PLD1: variants seen among roughly 807,000 people sequenced by gnomAD.
PLD1 encodes phospholipase D1.
PLD1 carries 112 observed loss-of-function variants against 137.1 expected under a neutral mutation model. The ratio of observed to expected loss-of-function variants is 0.82; its 90% CI spans 0.70 to 0.96. PLD1 has a LOEUF of 0.96. PLD1 is among the 40% of genes least tolerant of loss of function. The probability of loss-of-function intolerance (pLI) is 0.00; values close to 1 mark genes in which losing one functional copy is unlikely to be tolerated. For missense variants in PLD1, 1,321 were observed against 1,342.0 expected, an observed-to-expected ratio of 0.98 and a Z score of 0.24; for synonymous variants, 431 against 454.7, an observed-to-expected ratio of 0.95 and a Z score of 0.66.
At chr3:171,727,797 T>C (rs748999499) in intron 6 of PLD1, among the ~76,000 whole-genome samples, 2 of 152,166 alleles carry the variant, frequency 1.3e-5, no homozygotes, top group African/African-American at 2.4e-5. Context: ...AAGTTTTATA[T>C]GTGATTGGAC....
At position 171,612,603 on chromosome 3, in the gene PLD1, A is replaced by G. The variant is rs1055864992; in HGVS notation, c.2729-171T>C. Among the ~76,000 whole-genome samples, 1 of 152,154 alleles carries G rather than the reference A, an allele frequency of 6.6e-6. No homozygotes were observed. Among genetic ancestry groups the G allele is most frequent in the African/African-American group, 2.4e-5 (1 of 41,430 alleles). ...CCTCCCTAACCCAGGGGTGAATCTT[A>G]ATCAGTCTAAGCCAGCCATGGTAAT... On this transcript the variant is annotated intron_variant, in intron 24 of 26. Coordinates refer to ENST00000351298, the MANE Select transcript of PLD1 (RefSeq NM_002662.5). The surrounding 1 kb of genome is among the most constrained non-coding windows in gnomAD (Gnocchi z 4.1).
intron 12 of PLD1, among the ~76,000 whole-genome samples, chr3:171,695,272 T>C (rs1193269699): frequency 6.6e-6 from 1 of 152,224 alleles, no homozygotes; most frequent in Non-Finnish European, 1.5e-5. Flanking sequence ...AAAAATACAC[T>C]TTCAAAACAT....
At chr3:171,809,468 G>A (rs911955698) in intron 1 of PLD1, 1 of 152,140 alleles carries the variant, frequency 6.6e-6, no homozygotes, top group Non-Finnish European at 1.5e-5. Context: ...GGAGGCCCAC[G>A]AAGGCTTATC....
At chr3:171,695,483 A>G (rs976283152) in intron 12 of PLD1, among the ~76,000 whole-genome samples, 1 of 152,358 alleles carries the variant, frequency 6.6e-6, no homozygotes, top group African/African-American at 2.4e-5. Context: ...ATGACTTTTA[A>G]AAGATGAAAG....
intron 16 of PLD1, among the ~76,000 whole-genome samples, chr3:171,679,390 T>C (rs1316100498): frequency 6.6e-6 from 1 of 152,246 alleles, no homozygotes; most frequent in East Asian, 1.9e-4. Flanking sequence ...TCCTGCTTTA[T>C]GAGACTGAAA....
intron 19 of PLD1, among the ~76,000 whole-genome samples, chr3:171,671,458 C>G (rs546610399): frequency 6.6e-6 from 1 of 152,292 alleles, no homozygotes; most frequent in Admixed American, 6.5e-5. Flanking sequence ...TCTCTTTCCT[C>G]AAAAATACCT....
chr3:171,791,528 A>C (rs776556945), intron 1 of PLD1, among the ~76,000 whole-genome samples: 91 of 152,154 alleles, frequency 6.0e-4, no homozygotes, highest in Admixed American at 4.6e-4. Flanking sequence ...GGCAGCTGAC[A>C]TGTGTAGGGA....
At chr3:171,613,488 A>T (rs1732850786) in intron 24 of PLD1, among the ~76,000 whole-genome samples, 1 of 152,222 alleles carries the variant, frequency 6.6e-6, no homozygotes, top group Non-Finnish European at 1.5e-5. Context: ...CATAACTGTG[A>T]ATGTCAAAAC....
At chr3:171,654,809 T>C in intron 21 of PLD1, among the ~76,000 whole-genome samples, 1 of 151,742 alleles carries the variant, frequency 6.6e-6, no homozygotes, top group South Asian at 2.1e-4. Context: ...GTTTTTTTTT[T>C]ATTCTGATTC....
intron 8 of PLD1, among the ~76,000 whole-genome samples, chr3:171,717,433 G>C (rs1717763871): frequency 6.6e-6 from 1 of 152,140 alleles, no homozygotes; most frequent in Admixed American, 6.6e-5. Context: ...TCCCTAGTCA[G>C]CTGAATTCCT....
At chr3:171,617,148 C>T (rs1733184841) in intron 24 of PLD1, among the ~76,000 whole-genome samples, 1 of 152,282 alleles carries the variant, frequency 6.6e-6, no homozygotes, top group Non-Finnish European at 1.5e-5. Context: ...GAAATAAGAA[C>T]CAGGCATTGG....
intron 1 of PLD1, among the ~76,000 whole-genome samples, chr3:171,795,019 C>T (rs1018852383): frequency 7.2e-5 from 11 of 152,234 alleles, no homozygotes; most frequent in African/African-American, 2.4e-4. Flanking sequence ...GGTTGTTAAA[C>T]ACTTACAAGC....
At chr3:171,669,537 G>T (rs1712527834) in intron 19 of PLD1, among the ~76,000 whole-genome samples, 1 of 152,218 alleles carries the variant, frequency 6.6e-6, no homozygotes, top group Admixed American at 6.5e-5. Context: ...AAGTAGCTGT[G>T]ATTACAGGCA....
At chr3:171,701,472 T>C (rs754849420) in intron 11 of PLD1, among the ~76,000 whole-genome samples, 25 of 152,186 alleles carry the variant, frequency 1.6e-4, no homozygotes, top group Non-Finnish European at 2.8e-4. Context: ...AGAGCTTCGG[T>C]ATGGGGGAGA....
chr3:171,688,349 TTTTG>T (rs1286777114), intron 14 of PLD1, among the ~76,000 whole-genome samples: 1 of 152,206 alleles, frequency 6.6e-6, no homozygotes, highest in Non-Finnish European at 1.5e-5. Context: ...TGCCACATAT[TTTTG>T]TTTATGAATC....
At chr3:171,769,203 G>A (rs572414915) in intron 1 of PLD1, among the ~76,000 whole-genome samples, 1 of 152,194 alleles carries the variant, frequency 6.6e-6, no homozygotes, top group Admixed American at 6.5e-5. Context: ...TTTCGAATCT[G>A]TGGTCTTTGC....
intron 1 of PLD1, among the ~76,000 whole-genome samples, chr3:171,805,891 T>C (rs975160894): frequency 6.6e-6 from 1 of 152,172 alleles, no homozygotes; most frequent in Non-Finnish European, 1.5e-5. Context: ...AAAATGGGCA[T>C]AGGCCAGGCT....
intron 16 of PLD1, among the ~76,000 whole-genome samples, chr3:171,684,544 A>G (rs1034068503): frequency 1.3e-5 from 2 of 152,056 alleles, no homozygotes. Context: ...CTAAATAAAT[A>G]TATGTCTCCC....
intron 16 of PLD1, 31 bp downstream of exon 16, chr3:171,686,654 A>T: frequency 9.0e-7 from 1 of 1,107,556 alleles, no homozygotes; most frequent in Non-Finnish European, 1.4e-6. Context: ...CTCAAGCCTA[A>T]GGGAGTTCTG....
Sources: gnomAD v4.1 joint callset for allele counts (sites outside exome capture counted in the v4.1 genomes callset) on GRCh38, gnomAD v4.1.1 for gene constraint, Gnocchi (gnomAD v3.1) non-coding constraint, MANE v1.5 for transcripts, NCBI Gene and HGNC (gene_info 2026-07-23, HGNC 2026-07-21) for gene names.